Variants in TGM2 observed in about 807,000 individuals in gnomAD.
The protein encoded by TGM2 is protein-glutamine gamma-glutamyltransferase 2.
TGM2 carries 53 observed loss-of-function variants against 75.6 expected under a neutral mutation model. The ratio of observed to expected loss-of-function variants is 0.70; its 90% CI spans 0.56 to 0.88. The LOEUF (loss-of-function observed/expected upper bound fraction) is 0.88. TGM2 is among the 40% of genes least tolerant of loss of function. The pLI, the probability that TGM2 is intolerant of heterozygous loss-of-function variation, is 0.00. For synonymous variants in TGM2, 374 were observed against 381.1 expected (o/e 0.98, Z 0.22); for missense variants, 842 against 928.5 (o/e 0.91, Z 1.21).
chr20:38,146,765 G>T lies in TGM2; in HGVS notation c.811C>A (p.Arg271Ser), dbSNP rs142761662. The change falls in exon 6 of 13, where the codon CGC becomes AGC. Residue 271 changes from arginine to serine, a missense_variant. By Grantham distance (110) the Arg-to-Ser change is moderately radical. Coordinates refer to ENST00000361475, the MANE Select transcript of TGM2 (RefSeq NM_004613.4). ...LRRWKNHGCQ[R>S]VKYGQCWVFA... ...ACCCAGCACTGGCCATACTTGACGCGCTGGCAGCCGTGGTTCTTCCAGCGC... is the reference window on the plus strand; with the variant it reads ...ACCCAGCACTGGCCATACTTGACGCTCTGGCAGCCGTGGTTCTTCCAGCGC... 2.9e-5 allele frequency: 46 copies of T among 1,613,566 alleles called. No individual in the cohort carries two copies. Among genetic ancestry groups the T allele is most frequent in the Non-Finnish European group, 3.5e-5 (41 of 1,179,906 alleles).
chr20:38,142,268 C>T, intron 6 of TGM2, 69 bp from the exon 7 acceptor site: 2 of 1,603,908 alleles, frequency 1.2e-6, no homozygotes, highest in East Asian at 2.2e-5. Context: ...CCTCCACCTG[C>T]CCATCTGCAT....
intron 10 of TGM2, among the ~76,000 whole-genome samples, chr20:38,134,792 A>G (rs16987150): frequency 0.25 from 38,040 of 152,058 alleles, 6,019 homozygotes; most frequent in African/African-American, 0.45. Flanking sequence ...CCTTTCAGCC[A>G]TCCAGGGCCT....
upstream of TGM2, among the ~76,000 whole-genome samples, chr20:38,168,288 C>A (rs1388941219): frequency 6.6e-6 from 1 of 152,226 alleles, no homozygotes; most frequent in Non-Finnish European, 1.5e-5. Flanking sequence ...GGATTCCAGT[C>A]CCAGTGACCA....
At chr20:38,160,202 C>T (rs2075237207) in intron 2 of TGM2, among the ~76,000 whole-genome samples, 1 of 152,232 alleles carries the variant, frequency 6.6e-6, no homozygotes, top group Non-Finnish European at 1.5e-5. Flanking sequence ...GGAATGCTTG[C>T]TGCCATCTCT....
chr20:38,137,462 A>T (rs45516399), intron 10 of TGM2, among the ~76,000 whole-genome samples: 42 of 152,336 alleles, frequency 2.8e-4, no homozygotes, highest in African/African-American at 9.9e-4. Context: ...CAAAAAAAAT[A>T]AAAAAACAAG....
chr20:38,151,173 C>A, intron 3 of TGM2, 116 bp from the exon 4 acceptor site: 2 of 768,168 alleles, frequency 2.6e-6, no homozygotes, highest in African/African-American at 1.7e-5. Context: ...AGGGATCCAT[C>A]CTTCTTTTAA....
chr20:38,167,583 C>A (rs1003241106), upstream of TGM2, among the ~76,000 whole-genome samples: 3 of 152,162 alleles, frequency 2.0e-5, no homozygotes, highest in African/African-American at 7.2e-5. Context: ...TAGTGATCTG[C>A]ACGCCTCGAC....
At chr20:38,140,159 C>T (rs1046364929) in intron 8 of TGM2, among the ~76,000 whole-genome samples, 5 of 152,236 alleles carry the variant, frequency 3.3e-5, no homozygotes, top group African/African-American at 4.8e-5. Flanking sequence ...AGCCCCAGGG[C>T]GTGTGTGTTC....
intron 10 of TGM2, chr20:38,133,173 G>A (rs753153594): frequency 7.9e-6 from 2 of 252,642 alleles, no homozygotes; most frequent in Non-Finnish European, 1.6e-5. Context: ...ACTCACTGAA[G>A]AATGCCTCTC....
At chr20:38,146,099 T>A (rs1342352956) in intron 6 of TGM2, 1 of 157,456 alleles carries the variant, frequency 6.4e-6, no homozygotes, top group Non-Finnish European at 1.4e-5. Flanking sequence ...GCAACAATCA[T>A]CGACATTTTC....
At chr20:38,138,669 G>C (rs1352717595) in intron 9 of TGM2, among the ~76,000 whole-genome samples, 1 of 152,146 alleles carries the variant, frequency 6.6e-6, no homozygotes, top group African/African-American at 2.4e-5. Context: ...TTACCTTCTT[G>C]AGCTGCTCGA....
chr20:38,130,497 G>T, intron 12 of TGM2, 128 bp from the exon 13 acceptor site: 5 of 1,030,672 alleles, frequency 4.9e-6, no homozygotes, highest in Non-Finnish European at 7.0e-6. Context: ...CCTCATTCTC[G>T]GCCCTCTGCG....
chr20:38,158,036 A>G (rs1157665999), intron 2 of TGM2, among the ~76,000 whole-genome samples: 1 of 152,182 alleles, frequency 6.6e-6, no homozygotes, highest in Admixed American at 6.5e-5. Flanking sequence ...GGACAGCCTC[A>G]GTTTACGCCT....
rs760864885 is a variant in TGM2, at chr20:38,139,479, C to CTTCA, written c.1271_1274dup (p.Lys425AsnfsTer6). 1.2e-6 allele frequency: 2 copies of CTTCA among 1,614,224 alleles called. No individual in the cohort carries two copies. The highest frequency in any genetic ancestry group is 1.7e-6 in the Non-Finnish European group (2 of 1,180,042). On this transcript the variant is annotated frameshift_variant, in exon 9 of 13. Coordinates refer to ENST00000361475, the MANE Select transcript of TGM2 (RefSeq NM_004613.4). LOFTEE classifies it high-confidence loss of function. ...CTCGGCCCACGCTCTTAGTGCTGAT[C>CTTCA]TTCAGCCCAACGATCAGGGAACGGT...
chr20:38,144,061 T>A (rs1243957957), intron 6 of TGM2, among the ~76,000 whole-genome samples: 2 of 152,192 alleles, frequency 1.3e-5, no homozygotes, highest in Non-Finnish European at 2.9e-5. Flanking sequence ...TATCCCACCA[T>A]GCAGTGGGCC....
chr20:38,140,698 C>T (rs1455103860), intron 8 of TGM2, among the ~76,000 whole-genome samples: 2 of 152,206 alleles, frequency 1.3e-5, no homozygotes, highest in Non-Finnish European at 2.9e-5. Flanking sequence ...GACTCTACCG[C>T]TAGATCTTGT....
At chr20:38,132,188 T>C in intron 11 of TGM2, 152 bp downstream of exon 11, 1 of 837,200 alleles carries the variant, frequency 1.2e-6, no homozygotes. Context: ...TCATGATGCT[T>C]TTCTTCGATG....
intron 1 of TGM2, among the ~76,000 whole-genome samples, chr20:38,162,459 A>C (rs1210265036): frequency 6.6e-6 from 1 of 152,250 alleles, no homozygotes; most frequent in Admixed American, 6.5e-5. Flanking sequence ...GACAAACTTC[A>C]TATACTGGGA....
chr20:38,134,416 G>A (rs1012315449), intron 10 of TGM2, among the ~76,000 whole-genome samples: 1 of 152,204 alleles, frequency 6.6e-6, no homozygotes, highest in Non-Finnish European at 1.5e-5. Flanking sequence ...CCACAGGAAA[G>A]AAGAAAAACA....
Sources: gnomAD v4.1 joint callset for allele counts (sites outside exome capture counted in the v4.1 genomes callset) on GRCh38, gnomAD v4.1.1 for gene constraint, MANE v1.5 for transcripts, NCBI Gene and HGNC (gene_info 2026-07-23, HGNC 2026-07-21) for gene names.